IFT43: variants seen among roughly 807,000 people sequenced by gnomAD.
The protein encoded by IFT43 is intraflagellar transport protein 43 homolog.
Under a neutral mutation model 32.3 loss-of-function variants are expected in IFT43, and 33 were observed. The observed-to-expected ratio is 1.02, with a 90% CI of 0.77 to 1.37. The LOEUF (loss-of-function observed/expected upper bound fraction) is 1.37. Among genes scored for constraint, IFT43 ranks in the 40% most tolerant of loss-of-function variants. The probability of loss-of-function intolerance (pLI) is 0.00; values close to 1 mark genes in which losing one functional copy is unlikely to be tolerated. For missense variants in IFT43, 274 were observed against 265.9 expected, an observed-to-expected ratio of 1.03 and a Z score of -0.21; for synonymous variants, 93 against 98.2, an observed-to-expected ratio of 0.95 and a Z score of 0.31.
intron 2 of IFT43, among the ~76,000 whole-genome samples, chr14:75,999,277 ATATATTTTTTTT>A (rs1445537038): frequency 6.9e-4 from 13 of 18,710 alleles, no homozygotes; most frequent in African/African-American, 1.9e-3. Context: ...ATATATGTAT[ATATATTTTTTTT>A]TTTTTTTTTT....
At chr14:76,059,530 C>T in intron 5 of IFT43, 157 bp downstream of exon 5, 1 of 714,396 alleles carries the variant, frequency 1.4e-6, no homozygotes, top group Non-Finnish European at 2.5e-6. Context: ...TTGCTGAATG[C>T]TGCCACCTCT....
chr14:76,005,481 A>G (rs1432801990), intron 2 of IFT43, among the ~76,000 whole-genome samples: 1 of 152,110 alleles, frequency 6.6e-6, no homozygotes, highest in African/African-American at 2.4e-5. Flanking sequence ...ATCTCTACTC[A>G]GCTTTTTATT....
chr14:75,995,861 C>T (rs908350447), intron 2 of IFT43, among the ~76,000 whole-genome samples: 3 of 152,162 alleles, frequency 2.0e-5, no homozygotes, highest in Non-Finnish European at 4.4e-5. Context: ...TTCCACACTT[C>T]ATATTTATGT....
At chr14:75,990,253 T>G (rs1274950829) in intron 2 of IFT43, among the ~76,000 whole-genome samples, 1 of 152,206 alleles carries the variant, frequency 6.6e-6, no homozygotes. Context: ...AGTCTAAAAT[T>G]TTATGTGAAA....
At chr14:75,995,823 A>G (rs1330401584) in intron 2 of IFT43, among the ~76,000 whole-genome samples, 1 of 152,166 alleles carries the variant, frequency 6.6e-6, no homozygotes, top group Admixed American at 6.5e-5. Context: ...AGGGAATTTG[A>G]TATGGAGTTG....
At chr14:76,056,816 CACAG>C (rs1227527366) in intron 3 of IFT43, among the ~76,000 whole-genome samples, 6 of 152,206 alleles carry the variant, frequency 3.9e-5, no homozygotes, top group Admixed American at 2.0e-4. Flanking sequence ...TGTCCTCCCA[CACAG>C]ACAGAAGGTG....
chr14:76,000,003 G>GCGGTTGGAGC (rs1047801672), intron 2 of IFT43, among the ~76,000 whole-genome samples: 4 of 152,208 alleles, frequency 2.6e-5, no homozygotes, highest in African/African-American at 9.7e-5. Context: ...TCGCTGGGAG[G>GCGGTTGGAGC]CGGTTGGAGC....
chr14:76,079,832 G>A (rs6574267), intron 5 of IFT43, among the ~76,000 whole-genome samples: 52,668 of 151,952 alleles, frequency 0.35, 9,238 homozygotes, highest in African/African-American at 0.39. Context: ...GTCTCTTACT[G>A]GAGGCAGGCC....
At chr14:76,068,046 A>G (rs901488964) in intron 5 of IFT43, among the ~76,000 whole-genome samples, 3 of 152,234 alleles carry the variant, frequency 2.0e-5, no homozygotes, top group African/African-American at 7.2e-5. Flanking sequence ...GGTAAAAGGC[A>G]CTGCAAAAGT....
intron 3 of IFT43, among the ~76,000 whole-genome samples, chr14:76,042,703 G>A (rs185504548): frequency 6.6e-5 from 10 of 152,300 alleles, no homozygotes; most frequent in South Asian, 6.2e-4. Flanking sequence ...GTTCAATTAC[G>A]CATTGGAAAT....
rs184588802 is a variant in IFT43, at chr14:76,009,043, C to G, written c.148-13284C>G. 9.9e-5 allele frequency among the ~76,000 whole-genome samples: 15 copies of G among 152,266 alleles called. No homozygotes were observed. In the East Asian group the frequency reaches 2.5e-3, roughly 25 times the overall value. On this transcript the variant is annotated intron_variant, in intron 2 of 8. Coordinates refer to ENST00000314067, the MANE Select transcript of IFT43 (RefSeq NM_001102564.3). The stretch of plus-strand genomic sequence containing the variant: ...AAAGAGATGGTCCTTTCAGTTTGCC[C>G]TTGCCGGGTCTTATATTTGTATTAT...
At chr14:75,999,227 TTATATATATATATATATATATATATA>T (rs1162371057) in intron 2 of IFT43, among the ~76,000 whole-genome samples, 4 of 96,138 alleles carry the variant, frequency 4.2e-5, no homozygotes, top group Admixed American at 3.3e-4. Context: ...TAAATTCATT[TTATATATATATATATATATATATATA>T]TATATATATA....
Position 76,061,515 on chromosome 14 carries a change from C to T in IFT43, c.295+2142C>T, listed in dbSNP as rs535651138. On this transcript the variant is annotated intron_variant, in intron 5 of 8. Transcript: ENST00000314067. ...AGGCTTGGTGTTTTTTGTTTTTAGT[C>T]TACTTTTTTTCTCAGTGCTTCAACT... Among the ~76,000 whole-genome samples, 4 of 152,236 alleles carry T rather than the reference C, an allele frequency of 2.6e-5. No individual in the cohort carries two copies. The South Asian group carries it at 6.2e-4, about 24-fold the overall frequency.
At chr14:76,083,152 C>T (rs2037543953) in intron 7 of IFT43, 75 bp from the exon 8 acceptor site, 1 of 1,533,286 alleles carries the variant, frequency 6.5e-7, no homozygotes. Context: ...AAAAACTGAT[C>T]CCGGTTTTGT....
chr14:76,079,816 G>T (rs759708), intron 5 of IFT43, among the ~76,000 whole-genome samples: 2 of 151,984 alleles, frequency 1.3e-5, no homozygotes, highest in East Asian at 3.8e-4. Flanking sequence ...TTTGCAGGTC[G>T]CCACTGTCTC....
chr14:76,038,526 A>G (rs2140002576), intron 3 of IFT43, among the ~76,000 whole-genome samples: 1 of 152,272 alleles, frequency 6.6e-6, no homozygotes, highest in African/African-American at 2.4e-5. Flanking sequence ...TTGCTCTCAG[A>G]GCCTGGACAG....
chr14:75,999,291 T>A (rs2035838343), intron 2 of IFT43, among the ~76,000 whole-genome samples: 2 of 114,206 alleles, frequency 1.8e-5, no homozygotes, highest in Admixed American at 9.6e-5. Flanking sequence ...ATTTTTTTTT[T>A]TTTTTTTTTA....
At chr14:76,057,553 C>CA (rs66748105) in intron 3 of IFT43, among the ~76,000 whole-genome samples, 50 of 146,374 alleles carry the variant, frequency 3.4e-4, no homozygotes, top group Middle Eastern at 3.5e-3. Flanking sequence ...TTTTAATTGA[C>CA]AAAAAAAAAA....
At chr14:76,012,605 C>G (rs955427067) in intron 2 of IFT43, among the ~76,000 whole-genome samples, 1 of 152,222 alleles carries the variant, frequency 6.6e-6, no homozygotes, top group African/African-American at 2.4e-5. Context: ...GGTCCTGCCC[C>G]CTCCGTCCAT....
Sources: allele counts gnomAD v4.1 joint callset (sites outside exome capture counted in the v4.1 genomes callset), GRCh38; gene constraint gnomAD v4.1.1; transcripts MANE v1.5; gene names NCBI Gene and HGNC (gene_info 2026-07-23, HGNC 2026-07-21).